MARCHF11: variants seen among roughly 807,000 people sequenced by gnomAD.
MARCHF11 encodes membrane associated ring-CH-type finger 11.
A neutral mutation model predicts 37.3 loss-of-function variants in MARCHF11; 29 were observed. That is an observed-to-expected ratio of 0.78 (90% confidence interval 0.58 to 1.06). The LOEUF (loss-of-function observed/expected upper bound fraction) is 1.06, where lower values mean the gene tolerates loss of function less well. Among genes scored for constraint, MARCHF11 ranks in the 50% least tolerant of loss-of-function variants. MARCHF11 has a pLI of 0.00. For synonymous variants in MARCHF11, 233 were observed against 228.0 expected, an observed-to-expected ratio of 1.02 and a Z score of -0.20; for missense variants, 482 against 533.4, an observed-to-expected ratio of 0.90 and a Z score of 0.95.
intron 2 of MARCHF11, among the ~76,000 whole-genome samples, chr5:16,113,042 C>T (rs557521089): frequency 6.6e-6 from 1 of 152,198 alleles, no homozygotes; most frequent in East Asian, 1.9e-4. Context: ...CAGACTAATA[C>T]GTAACCAGAA....
At chr5:16,170,436 A>G (rs1290044875) in intron 2 of MARCHF11, among the ~76,000 whole-genome samples, 1 of 152,126 alleles carries the variant, frequency 6.6e-6, no homozygotes, top group Non-Finnish European at 1.5e-5. Flanking sequence ...CTTTTTTTCT[A>G]TGGTCTGAAG....
At chr5:16,120,908 G>C (rs950683781) in intron 2 of MARCHF11, among the ~76,000 whole-genome samples, 1 of 152,188 alleles carries the variant, frequency 6.6e-6, no homozygotes, top group African/African-American at 2.4e-5. Context: ...AAGACCAAAA[G>C]AACTGCCCAG....
At chr5:16,141,474 T>C (rs1737706577) in intron 2 of MARCHF11, 1 of 152,144 alleles carries the variant, frequency 6.6e-6, no homozygotes. Flanking sequence ...AAGCGCACAG[T>C]GTCCACAAGA....
chr5:16,072,510 C>CTGTGTGTGTGTGTGTGTG (rs34699021), intron 3 of MARCHF11, among the ~76,000 whole-genome samples: 1 of 146,716 alleles, frequency 6.8e-6, no homozygotes, highest in East Asian at 2.0e-4. Context: ...CTCTCTCACT[C>CTGTGTGTGTGTGTGTGTG]TGTGTGTGTG....
intron 2 of MARCHF11, among the ~76,000 whole-genome samples, chr5:16,111,382 G>A (rs1440626378): frequency 6.6e-6 from 1 of 152,168 alleles, no homozygotes; most frequent in Admixed American, 6.5e-5. Context: ...ATGGAGATGA[G>A]GTACTTGTTG....
chr5:16,126,892 A>G (rs1344238481), intron 2 of MARCHF11, among the ~76,000 whole-genome samples: 1 of 152,192 alleles, frequency 6.6e-6, no homozygotes, highest in African/African-American at 2.4e-5. Context: ...AGAAGAAGTC[A>G]AATTAACAAC....
intron 2 of MARCHF11, among the ~76,000 whole-genome samples, chr5:16,122,241 A>G (rs1737321070): frequency 1.3e-5 from 2 of 152,124 alleles, no homozygotes; most frequent in African/African-American, 4.8e-5. Context: ...TCCCAGGGAA[A>G]GCATGCACAC....
chr5:16,067,561 T>A lies in MARCHF11; in HGVS notation c.1119A>T (p.Leu373Phe). The stretch of plus-strand genomic sequence containing the variant: ...GCCTCATCCGATTGAACAGGTGCAA[T>A]AACACATAGCCACACTGAAACCTTG... ...TSPRFQCGYV[L>F]LHLFNRMRPH... Residue 373 changes from leucine to phenylalanine, a missense_variant, in exon 4 of 4, where the codon TTA becomes TTT. Leu to Phe is a conservative substitution (Grantham distance 22). Coordinates refer to ENST00000332432, the MANE Select transcript of MARCHF11 (RefSeq NM_001102562.3). 1 of 1,613,942 alleles carries A rather than the reference T, an allele frequency of 6.2e-7. No individual in the cohort carries two copies. The highest frequency in any genetic ancestry group is 8.5e-7 in the Non-Finnish European group (1 of 1,179,856).
chr5:16,123,685 A>C (rs2126578819), intron 2 of MARCHF11, among the ~76,000 whole-genome samples: 1 of 152,302 alleles, frequency 6.6e-6, no homozygotes, highest in East Asian at 1.9e-4. Context: ...ACAAGCTATA[A>C]GGCCAGAAGC....
chr5:16,112,642 TCAGTTAAGA>T, intron 2 of MARCHF11, among the ~76,000 whole-genome samples: 1 of 152,310 alleles, frequency 6.6e-6, no homozygotes, highest in Non-Finnish European at 1.5e-5. Flanking sequence ...AATGCTGAAA[TCAGTTAAGA>T]CTTTGGGGGA....
chr5:16,131,831 C>T (rs750518764), intron 2 of MARCHF11, among the ~76,000 whole-genome samples: 2 of 152,234 alleles, frequency 1.3e-5, no homozygotes, highest in African/African-American at 4.8e-5. Flanking sequence ...AATACCTACT[C>T]AGTTCTAACT....
chr5:16,174,866 G>T (rs936555970), intron 2 of MARCHF11, among the ~76,000 whole-genome samples: 1 of 152,168 alleles, frequency 6.6e-6, no homozygotes, highest in Non-Finnish European at 1.5e-5. Context: ...GACTCCAGAA[G>T]TGGAGTCTAT....
intron 2 of MARCHF11, among the ~76,000 whole-genome samples, chr5:16,135,547 A>G (rs930333324): frequency 6.6e-6 from 1 of 152,196 alleles, no homozygotes; most frequent in Non-Finnish European, 1.5e-5. Context: ...GAAAGGCTCA[A>G]AGAAAAACAT....
intron 2 of MARCHF11, among the ~76,000 whole-genome samples, chr5:16,117,533 C>G (rs888828275): frequency 6.6e-6 from 1 of 152,170 alleles, no homozygotes; most frequent in Non-Finnish European, 1.5e-5. Context: ...TGGTCTTGAG[C>G]CTACAGGAAG....
intron 2 of MARCHF11, among the ~76,000 whole-genome samples, chr5:16,112,170 T>C (rs1340250013): frequency 1.3e-5 from 2 of 152,144 alleles, no homozygotes; most frequent in Non-Finnish European, 2.9e-5. Flanking sequence ...TGGGGCACTG[T>C]CTGGTGGAGC....
chr5:16,176,523 G>A (rs1433234166), intron 2 of MARCHF11, among the ~76,000 whole-genome samples: 2 of 152,124 alleles, frequency 1.3e-5, no homozygotes, highest in Non-Finnish European at 2.9e-5. Context: ...TATTATTTAT[G>A]CTTTCTCTTT....
At chr5:16,174,215 T>C (rs545787253) in intron 2 of MARCHF11, among the ~76,000 whole-genome samples, 13 of 152,342 alleles carry the variant, frequency 8.5e-5, no homozygotes, top group African/African-American at 3.1e-4. Context: ...AAAACAGAAC[T>C]AGGCTTTACT....
chr5:16,110,435 A>G (rs1443108425), intron 2 of MARCHF11, among the ~76,000 whole-genome samples: 1 of 152,198 alleles, frequency 6.6e-6, no homozygotes, highest in Non-Finnish European at 1.5e-5. Context: ...GCTGACTTAC[A>G]GGCTGCTACT....
Position 16,112,368 on chromosome 5 carries a change from C to T in MARCHF11, c.694-21287G>A, listed in dbSNP as rs748281079. Among the ~76,000 whole-genome samples the T allele has an allele frequency of 9.8e-5, 15 of 152,304 alleles. No individual in the cohort carries two copies. The East Asian group carries it at 1.4e-3, about 14-fold the overall frequency. On this transcript the variant is annotated intron_variant, in intron 2 of 3. Transcript: ENST00000332432. ...CATGGGAACCCACCTCTTGCATCAG[C>T]GTGACCTGGATGTGAGACATGAAGT...
Sources: gnomAD v4.1 joint callset for allele counts (sites outside exome capture counted in the v4.1 genomes callset) on GRCh38, gnomAD v4.1.1 for gene constraint, MANE v1.5 for transcripts, NCBI Gene and HGNC (gene_info 2026-07-23, HGNC 2026-07-21) for gene names.